The following PREX1 variants were observed in gnomAD, a reference collection of about 807,000 sequenced individuals.
PREX1 encodes phosphatidylinositol 3,4,5-trisphosphate-dependent Rac exchanger 1 protein.
PREX1 carries 41 observed loss-of-function variants against 198.3 expected under a neutral mutation model. The observed-to-expected ratio is 0.21, with a 90% CI of 0.16 to 0.27. The LOEUF (loss-of-function observed/expected upper bound fraction) is 0.27. Among genes scored for constraint, PREX1 ranks in the 10% least tolerant of loss-of-function variants. The pLI is 1.00. For synonymous variants in PREX1, 843 were observed against 887.2 expected, an observed-to-expected ratio of 0.95 and a Z score of 0.89; for missense variants, 1,620 against 2,200.7, an observed-to-expected ratio of 0.74 and a Z score of 5.28.
Position 48,641,824 on chromosome 20 carries a change from A to G in PREX1, c.3775+344T>C, listed in dbSNP as rs145203387. Reference sequence around the variant, plus strand: ...CAAGAAAGAAAGAAAGAAAGAAAGAAAGAGAGAGAGAGAGAGAGGAAGGAA... The same window carrying G: ...CAAGAAAGAAAGAAAGAAAGAAAGAGAGAGAGAGAGAGAGAGAGGAAGGAA... On this transcript the variant is annotated intron_variant, in intron 29 of 39. Coordinates refer to ENST00000371941, the MANE Select transcript of PREX1 (RefSeq NM_020820.4). Among the ~76,000 whole-genome samples, 279 of 114,896 alleles carry G rather than the reference A, an allele frequency of 2.4e-3. 2 individuals are homozygous for G. The highest frequency in any genetic ancestry group is 7.4e-3 in the East Asian group (20 of 2,688). 75.4% of individuals were successfully genotyped at this position (114,896 alleles called of 152,430 possible). A position where few individuals can be genotyped will look rare whatever the true frequency, so the allele number is the denominator to read the frequency against.
intron 1 of PREX1, among the ~76,000 whole-genome samples, chr20:48,762,304 A>G (rs2090184430): frequency 6.6e-6 from 1 of 152,106 alleles, no homozygotes; most frequent in South Asian, 2.1e-4. Flanking sequence ...TCAGAGTGGG[A>G]TTCTAGCAGA....
chr20:48,636,606 G>C lies in PREX1; in HGVS notation c.4024C>G (p.Leu1342Val). 6.2e-7 allele frequency: 1 copy of C among 1,611,836 alleles called. No homozygotes were observed. The highest frequency in any genetic ancestry group is 8.5e-7 in the Non-Finnish European group (1 of 1,179,604). The change falls in exon 32 of 40, where the codon CTG (leucine) becomes GTG (valine). Residue 1342 changes from leucine (L) to valine (V), a missense_variant. Physicochemically the swap from Leu to Val is conservative, Grantham distance 32. Around this residue, in one of 7 missense-constraint regions of PREX1, gnomAD observed 476 missense variants for 603.4 expected, o/e 0.79. Transcript: ENST00000371941. Reference sequence around the variant, plus strand: ...TAGCGGTAGCCCAGGGCCGCCAGCAGCTGCTTGGAGAAGGTGCACACGGCG... The same window carrying C: ...TAGCGGTAGCCCAGGGCCGCCAGCACCTGCTTGGAGAAGGTGCACACGGCG... ...VAAVCTFSKQ[L>V]LAALGYRYNN...
chr20:48,722,115 G>A (rs763373379), intron 5 of PREX1, among the ~76,000 whole-genome samples: 5 of 152,164 alleles, frequency 3.3e-5, no homozygotes, highest in Non-Finnish European at 5.9e-5. Context: ...AGGTGGAAAC[G>A]GAGTTTAAGG....
At chr20:48,629,759 G>A (rs1745722291) in intron 36 of PREX1, 138 bp from the exon 37 acceptor site, 3 of 905,356 alleles carry the variant, frequency 3.3e-6, no homozygotes, top group Admixed American at 2.5e-5. Context: ...CCCCTCTGGG[G>A]ATAACAATGC....
chr20:48,656,645 C>A lies in PREX1; in HGVS notation c.2123+395G>T, dbSNP rs907118840. Among the ~76,000 whole-genome samples the A allele has an allele frequency of 4.6e-5, 7 of 152,338 alleles. No homozygotes were observed. In the East Asian group the frequency reaches 1.2e-3, roughly 25 times the overall value. ...TCTTCACCCCGACTCGCAGTGACGT[C>A]TCCCTGACAGCCATCCCTCTGCACA... On this transcript the variant is annotated intron_variant, in intron 18 of 39. Coordinates refer to ENST00000371941, the MANE Select transcript of PREX1 (RefSeq NM_020820.4).
intron 5 of PREX1, among the ~76,000 whole-genome samples, chr20:48,724,742 C>G (rs913294672): frequency 2.6e-5 from 4 of 152,278 alleles, no homozygotes; most frequent in Admixed American, 6.5e-5. Flanking sequence ...CTACAGTACA[C>G]TGTCTCTTAA....
chr20:48,863,764 T>G, the PREX1 span, among the ~76,000 whole-genome samples: 4 of 151,950 alleles, frequency 2.6e-5, no homozygotes, highest in African/African-American at 9.7e-5. Flanking sequence ...ATTTTTGTAT[T>G]TTTAGTAGAG....
intron 4 of PREX1, among the ~76,000 whole-genome samples, chr20:48,726,843 C>G (rs1243818331): frequency 6.6e-6 from 1 of 152,180 alleles, no homozygotes; most frequent in Non-Finnish European, 1.5e-5. Context: ...ATATCCATCA[C>G]CTGAGAATGG....
At chr20:48,660,200 C>A (rs2089579758) in intron 15 of PREX1, 139 bp from the exon 16 acceptor site, 1 of 998,472 alleles carries the variant, frequency 1.0e-6, no homozygotes, top group South Asian at 1.5e-5. Flanking sequence ...AAAATGGAAT[C>A]ATATGCCAAC....
rs1474719896 is a variant in PREX1, at chr20:48,650,070, G to T, written c.2954C>A (p.Thr985Asn). The stretch of plus-strand genomic sequence containing the variant: ...GCTGAAGGACCTGCCCACTGAGGGG[G>T]TGGTCTTGGGGTAGGACACTTCCAT... ...NLMEVSYPKT[T>N]PSVGRSFSIR... Residue 985 changes from threonine (T) to asparagine (N), a missense_variant, in exon 24 of 40, where the codon ACC becomes AAC. This residue lies in a region of PREX1 where 514 missense variants were observed against 611.6 expected (regional missense o/e 0.84). Coordinates refer to ENST00000371941, the MANE Select transcript of PREX1 (RefSeq NM_020820.4). 2 of 1,614,242 alleles carry T rather than the reference G, an allele frequency of 1.2e-6. No individual in the cohort carries two copies. Among genetic ancestry groups the T allele is most frequent in the Non-Finnish European group, 1.7e-6 (2 of 1,180,054 alleles).
intron 5 of PREX1, among the ~76,000 whole-genome samples, chr20:48,708,922 G>A (rs17436308): frequency 0.16 from 24,741 of 152,120 alleles, 2,411 homozygotes; most frequent in Middle Eastern, 0.29. Flanking sequence ...CCCCAGGCCC[G>A]GTTTTCTTAT....
At chr20:48,760,820 A>ACATTCT (rs2090176070) in intron 1 of PREX1, among the ~76,000 whole-genome samples, 1 of 152,140 alleles carries the variant, frequency 6.6e-6, no homozygotes, top group African/African-American at 2.4e-5. Context: ...GGAAGGACTT[A>ACATTCT]TGCATTCTTA....
chr20:48,825,866 C>CA (rs1969690629), intron 1 of PREX1, among the ~76,000 whole-genome samples: 2 of 116,064 alleles, frequency 1.7e-5, no homozygotes, highest in African/African-American at 6.5e-5. Context: ...CCCCACCCCC[C>CA]ACCCCCGAAA....
At chr20:48,830,296 G>T (rs1356627713), upstream of PREX1, among the ~76,000 whole-genome samples, 1 of 152,218 alleles carries the variant, frequency 6.6e-6, no homozygotes, top group African/African-American at 2.4e-5. Context: ...CAGGAGGTCA[G>T]GGCTGCAAGT....
the PREX1 span, among the ~76,000 whole-genome samples, chr20:48,860,428 A>C: frequency 6.6e-6 from 1 of 152,224 alleles, no homozygotes; most frequent in African/African-American, 2.4e-5. Context: ...AGATGAAAAG[A>C]ATTCTGGAGC....
intron 13 of PREX1, among the ~76,000 whole-genome samples, chr20:48,676,511 G>A (rs1333250898): frequency 6.6e-6 from 1 of 152,230 alleles, no homozygotes; most frequent in Non-Finnish European, 1.5e-5. Context: ...AGCAGCTCCA[G>A]GGCTCTGGAA....
rs566296488 is a variant in PREX1 at position 48,653,379 on chromosome 20, A to G, written c.2328T>C (p.Ser776=). Residue 776 remains serine (S), a synonymous_variant, in exon 20 of 40, where the codon AGT becomes AGC. Transcript: ENST00000371941. ...AACTTACCAGGGCCTCTTCGCGCCG[A>G]CTCCGGAATGCCTGGAAGTGCTCCA... is the stretch of plus-strand genomic sequence containing the variant. ...EVLEHFQAFR[S]RREEALGLYQ... The G allele has an allele frequency of 1.3e-5, 21 of 1,612,590 alleles. No individual in the cohort carries two copies. In the South Asian group the frequency reaches 2.3e-4, roughly 18 times the overall value.
the PREX1 span, among the ~76,000 whole-genome samples, chr20:48,886,028 C>T: frequency 1.3e-5 from 2 of 152,130 alleles, no homozygotes; most frequent in African/African-American, 4.8e-5. Context: ...AATGTGCAAT[C>T]CCGAAACCTA....
At position 48,632,520 on chromosome 20, in the gene PREX1, G is replaced by A. The variant is rs2089323103; in HGVS notation, c.4387C>T (p.Leu1463=). ...SRLEGGASLR[L]HTALFTKVLE... is the part of the protein sequence containing the mutation. ...CCTTTCGTGAACAGCGCTGTGTGCA[G>A]CCTCAGGCTGGCCCCACCCTCCAGG... Residue 1463 remains leucine (L), a synonymous_variant, in exon 34 of 40, where the codon CTG becomes TTG. Transcript: ENST00000371941. 1 of 1,613,972 alleles carries A rather than the reference G, an allele frequency of 6.2e-7. No individual in the cohort carries two copies. Among genetic ancestry groups the A allele is most frequent in the African/African-American group, 1.3e-5 (1 of 74,924 alleles).
Sources: gnomAD v4.1 joint callset for allele counts (sites outside exome capture counted in the v4.1 genomes callset) on GRCh38, gnomAD v4.1.1 for gene constraint, gnomAD v4.1.1 regional missense constraint, MANE v1.5 for transcripts, NCBI Gene and HGNC (gene_info 2026-07-23, HGNC 2026-07-21) for gene names.